The following RNF5 variants were observed in gnomAD, a reference collection of about 807,000 sequenced individuals.
RNF5 encodes E3 ubiquitin-protein ligase RNF5.
Under a neutral mutation model 24.4 loss-of-function variants are expected in RNF5, and 16 were observed. That is an observed-to-expected ratio of 0.66 (90% CI 0.44 to 1.00). The LOEUF is 1.00. Among genes scored for constraint, RNF5 ranks in the 50% least tolerant of loss-of-function variants. The pLI is 0.00. For missense variants in RNF5, 185 were observed against 236.7 expected (o/e 0.78, Z 1.43); for synonymous variants, 64 against 88.5 (o/e 0.72, Z 1.55).
chr6:32,178,422 C>T lies in RNF5; in HGVS notation c.-90C>T. ...GAAACCTTGAAGCCTGCCCAACGAT[C>T]GTGGGCAGGAGGTGGTTTCTGGTTT... On this transcript the variant is annotated 5_prime_UTR_variant, in exon 1 of 6. Transcript: ENST00000375094. 2.7e-6 allele frequency: 3 copies of T among 1,094,192 alleles called. No homozygotes were observed. Among genetic ancestry groups the T allele is most frequent in the African/African-American group, 1.6e-5 (1 of 63,456 alleles). 67.8% of individuals were successfully genotyped at this position (1,094,192 alleles called of 1,614,324 possible).
rs1274445375 is a variant in RNF5 at position 32,178,590 on chromosome 6, T to G, written c.79T>G (p.Cys27Gly). The G allele has an allele frequency of 6.2e-7, 1 of 1,610,984 alleles. No homozygotes were observed. The highest frequency in any genetic ancestry group is 8.5e-7 in the Non-Finnish European group (1 of 1,179,542). The stretch of plus-strand genomic sequence containing the variant: ...GGGCGGGGCGGGCGCGACCTTCGAA[T>G]GTAATATATGTTTGGAGACTGCTCG... ...ERGGAGATFE[C>G]NICLETAREA... The change falls in exon 1 of 6, where the codon TGT becomes GGT. Residue 27 changes from cysteine to glycine, a missense_variant. Cys to Gly is a radical substitution (Grantham distance 159). Transcript: ENST00000375094.
rs764873407 is a variant in RNF5 at position 32,179,821 on chromosome 6, G to A, written c.273-56G>A. 1.2e-6 allele frequency: 2 copies of A among 1,613,480 alleles called. No individual in the cohort carries two copies. The highest frequency in any genetic ancestry group is 1.7e-6 in the Non-Finnish European group (2 of 1,179,432). On this transcript the variant is annotated intron_variant, in intron 3 of 5. Coordinates refer to ENST00000375094, the MANE Select transcript of RNF5 (RefSeq NM_006913.4). The surrounding 1 kb of genome is among the most constrained non-coding windows in gnomAD (Gnocchi z 5.4). ...TGAAGGCTTCTGCCCTTGGAAAACG[G>A]TGTGGAAGATGGGAGGAGAAAAATC...
rs1411785547 is a variant in RNF5 at position 32,180,601 on chromosome 6, T to C, written c.*275T>C. The C allele has an allele frequency of 8.3e-6, 4 of 479,348 alleles. No homozygotes were observed. Among genetic ancestry groups the C allele is most frequent in the African/African-American group, 7.9e-5 (4 of 50,932 alleles). The allele number at this position is 479,348 out of a possible 1,614,324, so 29.7% of individuals were successfully genotyped here. ...GAATGTCTTTCTCCTCTCCTAAGTC[T>C]TTGCTTTCCCTGATTTCTTGATTTG... is the stretch of plus-strand genomic sequence containing the variant. On this transcript the variant is annotated 3_prime_UTR_variant, in exon 6 of 6. Transcript: ENST00000375094.
In RNF5 at chr6:32,178,473, G is replaced by A. The variant is rs192954285; in HGVS notation, c.-39G>A. The A allele has an allele frequency of 8.5e-6, 13 of 1,525,926 alleles. No homozygotes were observed. The highest frequency in any genetic ancestry group is 1.3e-5 in the South Asian group (1 of 79,748). The allele number at this position is 1,525,926 out of a possible 1,614,324, so 94.5% of individuals were successfully genotyped here. A position where few individuals can be genotyped will look rare whatever the true frequency, so the allele number is the denominator to read the frequency against. On this transcript the variant is annotated 5_prime_UTR_variant, in exon 1 of 6. It introduces an in-frame stop codon into an upstream open reading frame of the 5' UTR. Coordinates refer to ENST00000375094, the MANE Select transcript of RNF5 (RefSeq NM_006913.4). ...GTTGGGGCGTGTGTATGTGTATTTG[G>A]GGGGACTGAAGGGTACGTGGGGCGA...
At position 32,178,595 on chromosome 6, in the gene RNF5, T is replaced by C. The variant is rs1455449467; in HGVS notation, c.84T>C (p.Asn28=). Residue 28 remains asparagine, a synonymous_variant, in exon 1 of 6, where the codon AAT becomes AAC. Coordinates refer to ENST00000375094, the MANE Select transcript of RNF5 (RefSeq NM_006913.4). ...GGGCGGGCGCGACCTTCGAATGTAA[T>C]ATATGTTTGGAGACTGCTCGGGAAG... The part of the protein sequence containing the change: ...RGGAGATFEC[N]ICLETAREAV... The C allele has an allele frequency of 1.2e-6, 2 of 1,611,158 alleles. No individual in the cohort carries two copies. Among genetic ancestry groups the C allele is most frequent in the Non-Finnish European group, 1.7e-6 (2 of 1,179,720 alleles).
Position 32,179,001 on chromosome 6 carries a change from A to G in RNF5, c.140+350A>G, listed in dbSNP as rs1362026194. 6.6e-6 allele frequency among the ~76,000 whole-genome samples: 1 copy of G among 152,162 alleles called. No individual in the cohort carries two copies. The highest frequency in any genetic ancestry group is 2.4e-5 in the African/African-American group (1 of 41,436). Reference sequence around the variant, plus strand: ...GTGAGACACAAAGGTTAAGGGAGGCACGCATCAGTTGAGTCGGGGAGAACC... The same window carrying G: ...GTGAGACACAAAGGTTAAGGGAGGCGCGCATCAGTTGAGTCGGGGAGAACC... On this transcript the variant is annotated intron_variant, in intron 1 of 5. Transcript: ENST00000375094. This position sits in a 1 kb window ranked among gnomAD's most constrained non-coding sequence, Gnocchi z 5.4.
Position 32,178,671 on chromosome 6 carries a change from G to T in RNF5, c.140+20G>T. 6.2e-7 allele frequency: 1 copy of T among 1,607,352 alleles called. No homozygotes were observed. ...GTACTGGTGAGAATCGAGGAGGGGG[G>T]CGGGAGGTGGTGGGTCTCGCTTATA... On this transcript the variant is annotated intron_variant, in intron 1 of 5. Transcript: ENST00000375094.
At position 32,180,533 on chromosome 6, in the gene RNF5, C is replaced by T. The variant is rs2127430940; in HGVS notation, c.*207C>T. 4 of 582,350 alleles carry T rather than the reference C, an allele frequency of 6.9e-6. No homozygotes were observed. Among genetic ancestry groups the T allele is most frequent in the East Asian group, 2.8e-5 (1 of 35,484 alleles). The allele number at this position is 582,350 out of a possible 1,614,324, so 36.1% of individuals were successfully genotyped here. A position where few individuals can be genotyped will look rare whatever the true frequency, so the allele number is the denominator to read the frequency against. On this transcript the variant is annotated 3_prime_UTR_variant, in exon 6 of 6. Coordinates refer to ENST00000375094, the MANE Select transcript of RNF5 (RefSeq NM_006913.4). ...TTCTGCTCAGAGGCTCACTCAGTAA[C>T]GTTGTTTAATTCTCTGCCCTGGGGA...
At position 32,179,531 on chromosome 6, in the gene RNF5, C is replaced by A; in HGVS notation, c.141-10C>A. The stretch of plus-strand genomic sequence containing the variant: ...AGTTTGACCTTTTTTTTTTTTTCTC[C>A]CCCATCCAGTTGGCCATGTCTTCAT... On this transcript the variant is annotated splice_polypyrimidine_tract_variant and intron_variant, in intron 1 of 5. Transcript: ENST00000375094. The surrounding 1 kb of genome is among the most constrained non-coding windows in gnomAD (Gnocchi z 5.4). 6.2e-7 allele frequency: 1 copy of A among 1,610,562 alleles called. No individual in the cohort carries two copies. Among genetic ancestry groups the A allele is most frequent in the South Asian group, 1.1e-5 (1 of 90,754 alleles).
rs926692032 is a variant in RNF5, at chr6:32,178,463, T to C, written c.-49T>C. On this transcript the variant is annotated 5_prime_UTR_variant, in exon 1 of 6. It removes an upstream start codon present in the reference 5' UTR. Transcript: ENST00000375094. The stretch of plus-strand genomic sequence containing the variant: ...TTTCTGGTTTGTTGGGGCGTGTGTA[T>C]GTGTATTTGGGGGGACTGAAGGGTA... 4.1e-6 allele frequency: 6 copies of C among 1,470,166 alleles called. No individual in the cohort carries two copies. The African/African-American group carries it at 7.1e-5, about 17-fold the overall frequency. 91.1% of individuals were successfully genotyped at this position (1,470,166 alleles called of 1,614,324 possible).
Position 32,178,548 on chromosome 6 carries a change from G to C in RNF5, c.37G>C (p.Gly13Arg). Reference protein sequence around the residue: ...AAEEEDGGPEGPNRERGGAGA... With the variant: ...AAEEEDGGPERPNRERGGAGA... The stretch of plus-strand genomic sequence containing the variant: ...GGAGGAGGAGGACGGGGGCCCCGAA[G>C]GGCCAAATCGCGAGCGGGGCGGGGC... The change falls in exon 1 of 6, where the codon GGG (glycine) becomes CGG (arginine). Residue 13 changes from glycine to arginine, a missense_variant. By Grantham distance (125) the Gly-to-Arg change is moderately radical. Transcript: ENST00000375094. The C allele has an allele frequency of 1.2e-6, 2 of 1,609,764 alleles. No homozygotes were observed. Among genetic ancestry groups the C allele is most frequent in the Non-Finnish European group, 1.7e-6 (2 of 1,178,874 alleles).
At position 32,180,151 on chromosome 6, in the gene RNF5, C is replaced by G. The variant is rs140870201; in HGVS notation, c.445+25C>G. ...GGTAAGAGTCACACTCAGCTCCCAT[C>G]AGGGAGCCCTGTGAATCCCCTCAGG... On this transcript the variant is annotated intron_variant, in intron 5 of 5. Transcript: ENST00000375094. The G allele has an allele frequency of 4.2e-4, 682 of 1,607,756 alleles. 7 individuals are homozygous for G. In the African/African-American group the frequency reaches 7.5e-3, roughly 18 times the overall value.
In RNF5 at chr6:32,179,003, G is replaced by C. The variant is rs1785844755; in HGVS notation, c.140+352G>C. ...GAGACACAAAGGTTAAGGGAGGCAC[G>C]CATCAGTTGAGTCGGGGAGAACCAG... On this transcript the variant is annotated intron_variant, in intron 1 of 5. Coordinates refer to ENST00000375094, the MANE Select transcript of RNF5 (RefSeq NM_006913.4). The surrounding 1 kb of genome is among the most constrained non-coding windows in gnomAD (Gnocchi z 5.4). 6.6e-6 allele frequency among the ~76,000 whole-genome samples: 1 copy of C among 152,146 alleles called. No individual in the cohort carries two copies.
rs1785905608 is a variant in RNF5, at chr6:32,179,591, G to A, written c.159+32G>A. 2 of 1,613,980 alleles carry A rather than the reference G, an allele frequency of 1.2e-6. No homozygotes were observed. The highest frequency in any genetic ancestry group is 1.7e-6 in the Non-Finnish European group (2 of 1,179,952). The stretch of plus-strand genomic sequence containing the variant: ...ACTCAGGAGATGAAGAGGGAAATGG[G>A]GAGGTCTGAGGAGCTGTAAGACCCT... On this transcript the variant is annotated intron_variant, in intron 2 of 5. Transcript: ENST00000375094. The surrounding 1 kb of genome is among the most constrained non-coding windows in gnomAD (Gnocchi z 5.4).
chr6:32,178,949 G>A (rs1436736275), intron 1 of RNF5, among the ~76,000 whole-genome samples: 1 of 152,110 alleles, frequency 6.6e-6, no homozygotes, highest in Non-Finnish European at 1.5e-5. Context: ...GAGAAGTGAG[G>A]GGTCTTAGCT....
rs893793501 is a variant in RNF5, at chr6:32,180,534, G to A, written c.*208G>A. 10 of 582,078 alleles carry A rather than the reference G, an allele frequency of 1.7e-5. No individual in the cohort carries two copies. In the South Asian group the frequency reaches 1.9e-4, roughly 11 times the overall value. 36.1% of individuals were successfully genotyped at this position (582,078 alleles called of 1,614,324 possible). A position where few individuals can be genotyped will look rare whatever the true frequency, so the allele number is the denominator to read the frequency against. On this transcript the variant is annotated 3_prime_UTR_variant, in exon 6 of 6. Transcript: ENST00000375094. ...TCTGCTCAGAGGCTCACTCAGTAAC[G>A]TTGTTTAATTCTCTGCCCTGGGGAA...
At chr6:32,178,679 T>C (rs1273226109) in intron 1 of RNF5, 28 bp downstream of exon 1, 1 of 1,599,498 alleles carries the variant, frequency 6.3e-7, no homozygotes, top group African/African-American at 1.4e-5. Flanking sequence ...GGGCGGGAGG[T>C]GGTGGGTCTC....
At position 32,180,210 on chromosome 6, in the gene RNF5, G is replaced by A. The variant is rs757295621; in HGVS notation, c.446-19G>A. The A allele has an allele frequency of 6.2e-7, 1 of 1,612,186 alleles. No individual in the cohort carries two copies. Among genetic ancestry groups the A allele is most frequent in the Non-Finnish European group, 8.5e-7 (1 of 1,179,330 alleles). ...CAGCCTAGGAGCATATGCTTCCACAGCTTTCCTCTCTCCCACAGGTGTGGA... is the reference window on the plus strand; with the variant it reads ...CAGCCTAGGAGCATATGCTTCCACAACTTTCCTCTCTCCCACAGGTGTGGA... On this transcript the variant is annotated intron_variant, in intron 5 of 5. Transcript: ENST00000375094.
rs762662123 is a variant in RNF5, at chr6:32,179,221, G to C, written c.141-320G>C. On this transcript the variant is annotated intron_variant, in intron 1 of 5. Coordinates refer to ENST00000375094, the MANE Select transcript of RNF5 (RefSeq NM_006913.4). The surrounding 1 kb of genome is among the most constrained non-coding windows in gnomAD (Gnocchi z 5.4). ...GTTGGGGTTGAAAAGAGGAGACCCA[G>C]AAAGAGGTGGCTGAAGGAAATTAGA... 7.2e-5 allele frequency among the ~76,000 whole-genome samples: 11 copies of C among 152,160 alleles called. No homozygotes were observed. Among genetic ancestry groups the C allele is most frequent in the Non-Finnish European group, 1.5e-4 (10 of 68,036 alleles).
Sources: allele counts gnomAD v4.1 joint callset (sites outside exome capture counted in the v4.1 genomes callset), GRCh38; gene constraint gnomAD v4.1.1; non-coding constraint Gnocchi (gnomAD v3.1); transcripts MANE v1.5; gene names NCBI Gene and HGNC (gene_info 2026-07-23, HGNC 2026-07-21).